The following PXDN variants were observed in gnomAD, a reference collection of about 807,000 sequenced individuals.
PXDN encodes the protein peroxidasin, also known as peroxidasin homolog.
Under a neutral mutation model 140.3 loss-of-function variants are expected in PXDN, and 77 were observed. The ratio of observed to expected loss-of-function variants is 0.55; its 90% CI spans 0.46 to 0.66. PXDN has a LOEUF of 0.66. Among genes scored for constraint, PXDN ranks in the 30% least tolerant of loss-of-function variants. The pLI, the probability that PXDN is intolerant of heterozygous loss-of-function variation, is 0.00. For missense variants in PXDN, 1,838 were observed against 2,039.5 expected, an observed-to-expected ratio of 0.90 and a Z score of 1.90; for synonymous variants, 911 against 857.4, an observed-to-expected ratio of 1.06 and a Z score of -1.09.
chr2:1,743,882 GA>G (rs1235082021), intron 1 of PXDN, among the ~76,000 whole-genome samples: 1 of 137,734 alleles, frequency 7.3e-6, no homozygotes, highest in Middle Eastern at 3.8e-3. Flanking sequence ...GAACCAGGGG[GA>G]AGCGGGAGGC....
At chr2:1,645,065 T>TA (rs1319298683) in intron 17 of PXDN, among the ~76,000 whole-genome samples, 9 of 152,204 alleles carry the variant, frequency 5.9e-5, no homozygotes, top group Non-Finnish European at 1.2e-4. Context: ...TAACCACACG[T>TA]AACATCATAA....
chr2:1,683,206 A>C (rs1683955543), intron 6 of PXDN, among the ~76,000 whole-genome samples: 1 of 150,684 alleles, frequency 6.6e-6, no homozygotes, highest in African/African-American at 2.4e-5. Flanking sequence ...ACATGGCAAA[A>C]CCCTGTCACA....
chr2:1,683,543 C>CTTGTCTT, intron 6 of PXDN, 113 bp downstream of exon 6: 1 of 930,038 alleles, frequency 1.1e-6, no homozygotes, highest in Admixed American at 3.2e-5. Context: ...CTCATTCTTT[C>CTTGTCTT]AGAATCAGAT....
upstream of PXDN, chr2:1,744,867 T>A: frequency 6.1e-6 from 1 of 163,088 alleles, no homozygotes; most frequent in Non-Finnish European, 1.3e-5. Flanking sequence ...TGTAACACTT[T>A]TAGAGCGCTT....
At position 1,642,336 on chromosome 2, in the gene PXDN, G is replaced by A. The variant is rs552514271; in HGVS notation, c.3952+1032C>T. ...CTCTATTATCAGTGCAGATTTCAAC[G>A]CTTACTAAATTAAATAAGCTCTTGG... On this transcript the variant is annotated intron_variant, in intron 19 of 22. Coordinates refer to ENST00000252804, the MANE Select transcript of PXDN (RefSeq NM_012293.3). 3.9e-5 allele frequency among the ~76,000 whole-genome samples: 6 copies of A among 152,262 alleles called. No individual in the cohort carries two copies. The South Asian group carries it at 6.2e-4, about 16-fold the overall frequency.
chr2:1,641,637 T>A (rs1359359019), intron 19 of PXDN, among the ~76,000 whole-genome samples: 1 of 152,202 alleles, frequency 6.6e-6, no homozygotes, highest in Non-Finnish European at 1.5e-5. Context: ...CCTGGTATTT[T>A]AAGAGGGAAA....
At chr2:1,646,460 A>G (rs777671973) in intron 17 of PXDN, among the ~76,000 whole-genome samples, 3 of 152,250 alleles carry the variant, frequency 2.0e-5, no homozygotes, top group Non-Finnish European at 4.4e-5. Flanking sequence ...GACAGTTCAC[A>G]TCAGTCCTAA....
At chr2:1,661,289 T>C (rs1283648954) in intron 13 of PXDN, among the ~76,000 whole-genome samples, 2 of 152,156 alleles carry the variant, frequency 1.3e-5, no homozygotes, top group Non-Finnish European at 2.9e-5. Context: ...GAGGCAAGGA[T>C]GATTTTCCAC....
chr2:1,695,169 T>C (rs1684272990), intron 1 of PXDN, among the ~76,000 whole-genome samples: 1 of 152,168 alleles, frequency 6.6e-6, no homozygotes, highest in South Asian at 2.1e-4. Flanking sequence ...TGGACTTGGC[T>C]CCTGGAGCCT....
chr2:1,634,302 C>T lies in PXDN; in HGVS notation c.4342G>A (p.Val1448Met), dbSNP rs577701184. 5.4e-5 allele frequency: 87 copies of T among 1,597,348 alleles called. No homozygotes were observed. Among genetic ancestry groups the T allele is most frequent in the South Asian group, 2.6e-4 (23 of 87,852 alleles). ...ECKDGQVTCF[V>M]EACPPATCAV... ...CAGGTGGCAGGGGGGCAAGCTTCCA[C>T]GAAGCAGGTGACCTGCCCGTCCTGG... Residue 1448 changes from valine to methionine, a missense_variant, in exon 23 of 23, where the codon GTG (valine) becomes ATG (methionine). Around this residue, in one of 5 missense-constraint regions of PXDN, gnomAD observed 850 missense variants for 894.1 expected, o/e 0.95. Transcript: ENST00000252804.
chr2:1,679,966 G>A lies in PXDN; in HGVS notation c.730+227C>T, dbSNP rs62638001. Among the ~76,000 whole-genome samples the A allele has an allele frequency of 0.32, 46,898 of 145,572 alleles. 8,139 individuals are homozygous for A. Among genetic ancestry groups the A allele is most frequent in the South Asian group, 0.39 (1,755 of 4,530 alleles). On this transcript the variant is annotated intron_variant, in intron 7 of 22. Coordinates refer to ENST00000252804, the MANE Select transcript of PXDN (RefSeq NM_012293.3). Reference sequence around the variant, plus strand: ...GCGTGTGTGTGGTTTGTGTCTACGTGTGTGTCTGTAAATGGTGTGTGTGTA... The same window carrying A: ...GCGTGTGTGTGGTTTGTGTCTACGTATGTGTCTGTAAATGGTGTGTGTGTA...
chr2:1,674,917 A>G (rs1475809251), intron 8 of PXDN, among the ~76,000 whole-genome samples: 1 of 152,174 alleles, frequency 6.6e-6, no homozygotes, highest in East Asian at 1.9e-4. Flanking sequence ...TCGCTCATGC[A>G]GGAGGAGCAG....
In PXDN at chr2:1,665,115, C is replaced by A. The variant is rs376674483; in HGVS notation, c.1292-41G>T. 41 of 1,457,094 alleles carry A rather than the reference C, an allele frequency of 2.8e-5. No individual in the cohort carries two copies. The African/African-American group carries it at 5.1e-4, about 18-fold the overall frequency. The allele number at this position is 1,457,094 out of a possible 1,614,324, so 90.3% of individuals were successfully genotyped here. A position where few individuals can be genotyped will look rare whatever the true frequency, so the allele number is the denominator to read the frequency against. The stretch of plus-strand genomic sequence containing the variant: ...CATTCAAAACAGGACATGTAAAAAA[C>A]AGCCTGGGGTAAAAACGCGACCAAG... On this transcript the variant is annotated intron_variant, in intron 10 of 22. Transcript: ENST00000252804.
In PXDN at chr2:1,744,239, T is replaced by TC; in HGVS notation, c.200+16dup. Reference sequence around the variant, plus strand: ...AGCCCCGGACCCCGCGCCCCCGGCGTCCCCCGCGGCACTCACAGGATGGAG... The same window carrying TC: ...AGCCCCGGACCCCGCGCCCCCGGCGTCCCCCCGCGGCACTCACAGGATGGAG... On this transcript the variant is annotated intron_variant, in intron 1 of 22. Transcript: ENST00000252804. 2 of 1,464,978 alleles carry TC rather than the reference T, an allele frequency of 1.4e-6. No homozygotes were observed. Among genetic ancestry groups the TC allele is most frequent in the African/African-American group, 1.5e-5 (1 of 67,778 alleles). The allele number at this position is 1,464,978 out of a possible 1,614,324, so 90.7% of individuals were successfully genotyped here. A position where few individuals can be genotyped will look rare whatever the true frequency, so the allele number is the denominator to read the frequency against.
chr2:1,743,225 C>T (rs1685588351), intron 1 of PXDN, among the ~76,000 whole-genome samples: 1 of 152,172 alleles, frequency 6.6e-6, no homozygotes, highest in Non-Finnish European at 1.5e-5. Flanking sequence ...CGCGGGACGG[C>T]CCGCAGGACA....
chr2:1,719,940 G>A lies in PXDN; in HGVS notation c.200+24316C>T, dbSNP rs1352531167. Among the ~76,000 whole-genome samples the A allele has an allele frequency of 8.0e-5, 8 of 100,008 alleles. 1 individual carries two copies. The highest frequency in any genetic ancestry group is 1.8e-4 in the Non-Finnish European group (8 of 44,958). The allele number at this position is 100,008 out of a possible 152,430, so 65.6% of individuals were successfully genotyped here. On this transcript the variant is annotated intron_variant, in intron 1 of 22. Coordinates refer to ENST00000252804, the MANE Select transcript of PXDN (RefSeq NM_012293.3). The stretch of plus-strand genomic sequence containing the variant: ...AGGGATGCAGAGAGGGAGAGAGAGA[G>A]AGGGAGGGATGCAGAGAGAGGGAGA...
intron 2 of PXDN, 80 bp downstream of exon 2, chr2:1,692,983 G>C (rs1417703629): frequency 1.3e-5 from 17 of 1,338,060 alleles, no homozygotes; most frequent in Non-Finnish European, 1.8e-5. Context: ...ACTGATTGTG[G>C]ATGATGAGTT....
intron 1 of PXDN, among the ~76,000 whole-genome samples, chr2:1,740,165 A>G (rs1558534645): frequency 2.0e-5 from 3 of 152,176 alleles, no homozygotes. Flanking sequence ...GCAGAGGAGG[A>G]GGAGGGCATG....
At chr2:1,710,213 G>A (rs1403859686) in intron 1 of PXDN, among the ~76,000 whole-genome samples, 1 of 152,106 alleles carries the variant, frequency 6.6e-6, no homozygotes, top group Non-Finnish European at 1.5e-5. Context: ...GGAGACACAC[G>A]CCGAAGAACA....
Sources: gnomAD v4.1 joint callset for allele counts (sites outside exome capture counted in the v4.1 genomes callset) on GRCh38, gnomAD v4.1.1 for gene constraint, gnomAD v4.1.1 regional missense constraint, MANE v1.5 for transcripts, NCBI Gene and HGNC (gene_info 2026-07-23, HGNC 2026-07-21) for gene names.